TLK2: variants seen among roughly 807,000 people sequenced by gnomAD.
TLK2 encodes serine/threonine-protein kinase tousled-like 2.
A neutral mutation model predicts 117.3 loss-of-function variants in TLK2; 6 were observed. The observed-to-expected ratio is 0.05, with a 90% CI of 0.03 to 0.10. TLK2 has a LOEUF of 0.10. Among genes scored for constraint, TLK2 ranks in the 10% least tolerant of loss-of-function variants. The pLI is 1.00. For synonymous variants in TLK2, 257 were observed against 316.7 expected, an observed-to-expected ratio of 0.81 and a Z score of 2.00; for missense variants, 299 against 901.2, an observed-to-expected ratio of 0.33 and a Z score of 8.56.
chr17:62,481,967 C>T (rs1475064190), intron 2 of TLK2, among the ~76,000 whole-genome samples: 2 of 151,730 alleles, frequency 1.3e-5, no homozygotes, highest in Non-Finnish European at 2.9e-5. Flanking sequence ...TTTTTTGAGA[C>T]AGAGTTTTCC....
In TLK2 at chr17:62,532,451, GCTGGGGTAGGA is replaced by G. The variant is rs1242274445; in HGVS notation, c.364-3716_364-3706del. Among the ~76,000 whole-genome samples the G allele has an allele frequency of 2.6e-5, 4 of 152,258 alleles. No individual in the cohort carries two copies. The East Asian group carries it at 7.7e-4, about 29-fold the overall frequency. ...AGCCTGGGTTTAAACTGTTACATTT[GCTGGGGTAGGA>G]CTCTACTCATAGATTCAAAAACTAA... On this transcript the variant is annotated intron_variant, in intron 6 of 21. Coordinates refer to ENST00000346027, the MANE Select transcript of TLK2 (RefSeq NM_006852.6).
chr17:62,537,143 T>G (rs1311416987), intron 7 of TLK2, among the ~76,000 whole-genome samples: 1 of 152,208 alleles, frequency 6.6e-6, no homozygotes, highest in African/African-American at 2.4e-5. Context: ...GTTCATTTTG[T>G]CCAGTTATAA....
At chr17:62,607,970 TG>T in intron 20 of TLK2, 70 bp from the exon 21 acceptor site, 1 of 1,277,748 alleles carries the variant, frequency 7.8e-7, no homozygotes, top group Non-Finnish European at 1.1e-6. Flanking sequence ...TTTCCTTCCC[TG>T]GGGTATTGAA....
At chr17:62,519,811 A>C (rs1403149819) in intron 2 of TLK2, among the ~76,000 whole-genome samples, 1 of 152,146 alleles carries the variant, frequency 6.6e-6, no homozygotes, top group East Asian at 1.9e-4. Context: ...TTAGTTATAA[A>C]ACGAAGGCTC....
chr17:62,500,687 T>C (rs192501375), intron 2 of TLK2, among the ~76,000 whole-genome samples: 64 of 152,320 alleles, frequency 4.2e-4, no homozygotes, highest in African/African-American at 1.5e-3. Context: ...ATGGAACATT[T>C]ACCAAAATAG....
At chr17:62,521,429 T>C (rs2076041230) in intron 3 of TLK2, among the ~76,000 whole-genome samples, 1 of 152,212 alleles carries the variant, frequency 6.6e-6, no homozygotes, top group Non-Finnish European at 1.5e-5. Context: ...TTTCGAGACA[T>C]GGCCTCGCTC....
At chr17:62,592,598 T>C (rs1483097772) in intron 16 of TLK2, among the ~76,000 whole-genome samples, 1 of 152,216 alleles carries the variant, frequency 6.6e-6, no homozygotes, top group Non-Finnish European at 1.5e-5. Flanking sequence ...AGCATGTTAC[T>C]GTACTGAATA....
chr17:62,487,620 CTTTT>C (rs71155932), intron 2 of TLK2, among the ~76,000 whole-genome samples: 2 of 104,308 alleles, frequency 1.9e-5, no homozygotes, highest in Non-Finnish European at 3.5e-5. Flanking sequence ...TGGCAAGTAT[CTTTT>C]TTTTTTTTTT....
At chr17:62,602,711 C>G (rs1365199079) in intron 19 of TLK2, among the ~76,000 whole-genome samples, 2 of 152,190 alleles carry the variant, frequency 1.3e-5, no homozygotes, top group Non-Finnish European at 2.9e-5. Flanking sequence ...TAGCCATGAT[C>G]TAAAAGTTTT....
At chr17:62,550,665 C>T (rs1436486515) in intron 7 of TLK2, 1 of 152,218 alleles carries the variant, frequency 6.6e-6, no homozygotes, top group African/African-American at 2.4e-5. Context: ...CTAGTTTGCT[C>T]ACAGGCTGGT....
intron 21 of TLK2, among the ~76,000 whole-genome samples, chr17:62,610,511 G>A (rs1185508710): frequency 6.6e-6 from 1 of 152,224 alleles, no homozygotes; most frequent in Non-Finnish European, 1.5e-5. Context: ...TCAGAGTAGG[G>A]GGATGAGGAG....
intron 11 of TLK2, 76 bp downstream of exon 11, chr17:62,565,213 A>G (rs1194171799): frequency 2.6e-6 from 4 of 1,515,982 alleles, no homozygotes; most frequent in Non-Finnish European, 2.7e-6. Context: ...AATTGTAGTC[A>G]TTAATAATCC....
At chr17:62,483,272 G>A (rs530479411) in intron 2 of TLK2, among the ~76,000 whole-genome samples, 2 of 151,264 alleles carry the variant, frequency 1.3e-5, no homozygotes, top group African/African-American at 2.4e-5. Context: ...GATTAGGGTT[G>A]TTGTTCTGTT....
At chr17:62,554,966 CA>C (rs939167429) in intron 9 of TLK2, among the ~76,000 whole-genome samples, 3 of 146,972 alleles carry the variant, frequency 2.0e-5, no homozygotes, top group East Asian at 1.9e-4. Context: ...ACATTTGGTA[CA>C]TTTTTTTTTT....
chr17:62,562,731 C>G (rs2079396897), intron 10 of TLK2, among the ~76,000 whole-genome samples: 3 of 152,186 alleles, frequency 2.0e-5, no homozygotes, highest in African/African-American at 7.2e-5. Context: ...ACAGCTACTT[C>G]AGAAGGTTTT....
At chr17:62,524,619 C>G (rs539629987) in intron 6 of TLK2, among the ~76,000 whole-genome samples, 1 of 152,212 alleles carries the variant, frequency 6.6e-6, no homozygotes, top group Admixed American at 6.5e-5. Flanking sequence ...AGGTTTTTTC[C>G]CTTGCCAAAT....
At chr17:62,476,926 G>A (rs1430160593), upstream of TLK2, among the ~76,000 whole-genome samples, 23 of 145,806 alleles carry the variant, frequency 1.6e-4, no homozygotes, top group Non-Finnish European at 2.6e-4. Flanking sequence ...TACCAAAAAA[G>A]AAAAAAAAAA....
chr17:62,489,203 ATTT>A (rs755242825), intron 2 of TLK2, among the ~76,000 whole-genome samples: 1 of 71,556 alleles, frequency 1.4e-5, no homozygotes, highest in East Asian at 5.6e-4. Context: ...GTGTGTGTAA[ATTT>A]TTTTTTTTTT....
chr17:62,583,626 G>T (rs1460214704), intron 15 of TLK2, among the ~76,000 whole-genome samples: 1 of 152,080 alleles, frequency 6.6e-6, no homozygotes, highest in Admixed American at 6.5e-5. Context: ...CCAGGCTGTA[G>T]TGTAATGGTG....
Sources: allele counts gnomAD v4.1 joint callset (sites outside exome capture counted in the v4.1 genomes callset), GRCh38; gene constraint gnomAD v4.1.1; transcripts MANE v1.5; gene names NCBI Gene and HGNC (gene_info 2026-07-23, HGNC 2026-07-21).